NFATC2: variants seen among roughly 807,000 people sequenced by gnomAD.
NFATC2 encodes the protein nuclear factor of activated T-cells, cytoplasmic 2.
NFATC2 carries 22 observed loss-of-function variants against 87.3 expected under a neutral mutation model. The observed-to-expected ratio is 0.25, with a 90% CI of 0.18 to 0.36. The LOEUF is 0.36. Among genes scored for constraint, NFATC2 ranks in the 10% least tolerant of loss-of-function variants. NFATC2 has a pLI of 1.00. For synonymous variants in NFATC2, 565 were observed against 542.2 expected (o/e 1.04, Z -0.58); for missense variants, 1,149 against 1,259.1 (o/e 0.91, Z 1.32).
chr20:51,391,366 A>G lies in NFATC2; in HGVS notation c.*130T>C, dbSNP rs1391804715. 1 of 1,607,016 alleles carries G rather than the reference A, an allele frequency of 6.2e-7. No individual in the cohort carries two copies. On this transcript the variant is annotated 3_prime_UTR_variant, in exon 11 of 11. Transcript: ENST00000371564. ...TGTGGAGGGCTCCGAGGGGTCAGAT[A>G]CAGAAGGTGTCTTGCTATAATGGCT...
chr20:51,465,430 C>A (rs1451657660), intron 5 of NFATC2, among the ~76,000 whole-genome samples: 1 of 152,114 alleles, frequency 6.6e-6, no homozygotes, highest in Non-Finnish European at 1.5e-5. Context: ...TACTTGGAAC[C>A]CATGGCTTCC....
At position 51,523,229 on chromosome 20, in the gene NFATC2, T is replaced by G. The variant is rs1600942731; in HGVS notation, c.1012A>C (p.Lys338Gln). 1 of 1,613,644 alleles carries G rather than the reference T, an allele frequency of 6.2e-7. No individual in the cohort carries two copies. Among genetic ancestry groups the G allele is most frequent in the Non-Finnish European group, 8.5e-7 (1 of 1,179,750 alleles). ...DPSPVSAAPSKAGLPRHIYPA... is the reference protein window; with the variant it reads ...DPSPVSAAPSQAGLPRHIYPA... ...TAGATGTGGCGAGGCAGGCCGGCCTTGGATGGGGCGGCAGACACCGGCGAG... is the reference window on the plus strand; with the variant it reads ...TAGATGTGGCGAGGCAGGCCGGCCTGGGATGGGGCGGCAGACACCGGCGAG... The change falls in exon 2 of 11, where the codon AAG becomes CAG. Residue 338 changes from lysine to glutamine, a missense_variant. Transcript: ENST00000371564. The surrounding 1 kb of genome is among the most constrained non-coding windows in gnomAD (Gnocchi z 6.9).
Position 51,405,431 on chromosome 20 carries a change from C to T in NFATC2, c.2723-6701G>A, listed in dbSNP as rs1474769833. ...GGTGTGCAGGCGCCATGACCTCACA[C>T]GTGTCATCTCACCGTGCCTCACCAG... On this transcript the variant is annotated intron_variant, in intron 9 of 10. Coordinates refer to ENST00000371564, the MANE Select transcript of NFATC2 (RefSeq NM_012340.5). Among the ~76,000 whole-genome samples the T allele has an allele frequency of 3.0e-4, 13 of 43,808 alleles. 1 individual carries two copies. The highest frequency in any genetic ancestry group is 9.8e-4 in the East Asian group (1 of 1,016). 28.7% of individuals were successfully genotyped at this position (43,808 alleles called of 152,430 possible). A position where few individuals can be genotyped will look rare whatever the true frequency, so the allele number is the denominator to read the frequency against.
chr20:51,521,598 G>A (rs1052976462), intron 2 of NFATC2, among the ~76,000 whole-genome samples: 3 of 152,248 alleles, frequency 2.0e-5, no homozygotes, highest in African/African-American at 7.2e-5. Flanking sequence ...TGGGATTACA[G>A]GCGTGAGCCA....
chr20:51,492,685 C>T (rs1264847654), intron 3 of NFATC2, among the ~76,000 whole-genome samples: 5 of 152,230 alleles, frequency 3.3e-5, no homozygotes, highest in Admixed American at 6.5e-5. Flanking sequence ...CCGCTCCAGC[C>T]CTTGGGGAGC....
chr20:51,404,846 G>T (rs951154301), intron 9 of NFATC2, among the ~76,000 whole-genome samples: 1 of 152,172 alleles, frequency 6.6e-6, no homozygotes, highest in East Asian at 1.9e-4. Flanking sequence ...AGTCACTGAC[G>T]CTCTCTGCAA....
intron 3 of NFATC2, among the ~76,000 whole-genome samples, chr20:51,477,533 G>GTGTA (rs1203933981): frequency 1.5e-5 from 1 of 68,546 alleles, no homozygotes; most frequent in African/African-American, 6.0e-5. Context: ...GTGTGTGTGT[G>GTGTA]TCTATATATA....
Position 51,454,622 on chromosome 20 carries a change from C to G in NFATC2, c.1775G>C (p.Gly592Ala). The G allele has an allele frequency of 6.2e-7, 1 of 1,614,108 alleles. No individual in the cohort carries two copies. Among genetic ancestry groups the G allele is most frequent in the Non-Finnish European group, 8.5e-7 (1 of 1,180,036 alleles). ...CCCCGTGAGGATCATTTGCTGGCCG[C>G]CATAGACCAGGCAGCTGTCTGTGTC... The part of the protein sequence containing the change: ...RQDTDSCLVY[G>A]GQQMILTGQN... The change falls in exon 6 of 11, where the codon GGC (glycine) becomes GCC (alanine). Residue 592 changes from glycine (G) to alanine (A), a missense_variant. Physicochemically the swap from Gly to Ala is moderately conservative, Grantham distance 60. Coordinates refer to ENST00000371564, the MANE Select transcript of NFATC2 (RefSeq NM_012340.5).
At chr20:51,492,022 C>T (rs2075899468) in intron 3 of NFATC2, among the ~76,000 whole-genome samples, 1 of 152,088 alleles carries the variant, frequency 6.6e-6, no homozygotes, top group South Asian at 2.1e-4. Context: ...GTGCCATGAA[C>T]ACCCCTTGTT....
At chr20:51,458,200 T>C (rs911092507) in intron 5 of NFATC2, among the ~76,000 whole-genome samples, 3 of 152,120 alleles carry the variant, frequency 2.0e-5, no homozygotes, top group African/African-American at 7.2e-5. Context: ...TAAAGCAAGG[T>C]TTCTCAACCT....
intron 2 of NFATC2, 109 bp from the exon 3 acceptor site, chr20:51,517,064 G>A: frequency 9.1e-7 from 1 of 1,102,494 alleles, no homozygotes; most frequent in Non-Finnish European, 1.3e-6. Context: ...GTCATGTATT[G>A]CTCAACAATG....
intron 5 of NFATC2, among the ~76,000 whole-genome samples, chr20:51,471,390 G>A (rs1452800634): frequency 6.6e-6 from 1 of 152,192 alleles, no homozygotes; most frequent in African/African-American, 2.4e-5. Flanking sequence ...TGGTGGGGCA[G>A]CCACCATGAC....
chr20:51,488,131 G>A (rs755415828), intron 3 of NFATC2, among the ~76,000 whole-genome samples: 45 of 152,136 alleles, frequency 3.0e-4, no homozygotes, highest in Non-Finnish European at 5.7e-4. Flanking sequence ...CATCGGGGCC[G>A]TTCCCAAGTT....
intron 3 of NFATC2, among the ~76,000 whole-genome samples, chr20:51,499,062 C>T (rs1257154942): frequency 2.0e-5 from 3 of 152,058 alleles, no homozygotes; most frequent in Non-Finnish European, 1.5e-5. Context: ...GAGAGGCAGG[C>T]AGGGACCGGG....
At chr20:51,412,788 C>A (rs994736940) in intron 9 of NFATC2, among the ~76,000 whole-genome samples, 1 of 152,116 alleles carries the variant, frequency 6.6e-6, no homozygotes, top group Non-Finnish European at 1.5e-5. Context: ...GGGGTGCATG[C>A]CAGCTGGGCT....
chr20:51,455,944 A>ATGGG (rs1569001460), intron 5 of NFATC2, among the ~76,000 whole-genome samples: 3 of 28,436 alleles, frequency 1.1e-4, no homozygotes, highest in Admixed American at 4.5e-4. Flanking sequence ...GGGTAGATGG[A>ATGGG]TGGATGAGTG....
In NFATC2 at chr20:51,390,464, C is replaced by A. The variant is rs1986196361; in HGVS notation, c.*1032G>T. 1 of 152,230 alleles carries A rather than the reference C, an allele frequency of 6.6e-6. No homozygotes were observed. Among genetic ancestry groups the A allele is most frequent in the Non-Finnish European group, 1.5e-5 (1 of 68,052 alleles). The allele number at this position is 152,230 out of a possible 1,614,324, so 9.4% of individuals were successfully genotyped here. ...CAATTAAATGCACATGCTTGAGATT[C>A]TCCACCGCTTTACGGAAAAGCACTC... On this transcript the variant is annotated 3_prime_UTR_variant, in exon 11 of 11. Coordinates refer to ENST00000371564, the MANE Select transcript of NFATC2 (RefSeq NM_012340.5).
rs776199485 is a variant in NFATC2 at position 51,523,047 on chromosome 20, C to T, written c.1160+34G>A. 1.3e-5 allele frequency: 21 copies of T among 1,612,944 alleles called. No homozygotes were observed. The highest frequency in any genetic ancestry group is 1.8e-5 in the Non-Finnish European group (21 of 1,179,882). ...CAGAAAACCATCTCTTAAAACTAAACCACAGAATCAATCATTTTCAAAGCC... is the reference window on the plus strand; with the variant it reads ...CAGAAAACCATCTCTTAAAACTAAATCACAGAATCAATCATTTTCAAAGCC... On this transcript the variant is annotated intron_variant, in intron 2 of 10. Coordinates refer to ENST00000371564, the MANE Select transcript of NFATC2 (RefSeq NM_012340.5). This position sits in a 1 kb window ranked among gnomAD's most constrained non-coding sequence, Gnocchi z 6.9.
At position 51,524,438 on chromosome 20, in the gene NFATC2, A is replaced by G. The variant is rs568597583; in HGVS notation, c.131-328T>C. On this transcript the variant is annotated intron_variant, in intron 1 of 10. Coordinates refer to ENST00000371564, the MANE Select transcript of NFATC2 (RefSeq NM_012340.5). This position sits in a 1 kb window ranked among gnomAD's most constrained non-coding sequence, Gnocchi z 4.0. Reference sequence around the variant, plus strand: ...ACGCCACCATATACACCCACAACTGAAACAAAAGCCTCTCGAGTCAATACT... The same window carrying G: ...ACGCCACCATATACACCCACAACTGGAACAAAAGCCTCTCGAGTCAATACT... Among the ~76,000 whole-genome samples, 18 of 152,154 alleles carry G rather than the reference A, an allele frequency of 1.2e-4. No individual in the cohort carries two copies. Among genetic ancestry groups the G allele is most frequent in the African/African-American group, 4.3e-4 (18 of 41,518 alleles).
Sources: allele counts gnomAD v4.1 joint callset (sites outside exome capture counted in the v4.1 genomes callset), GRCh38; gene constraint gnomAD v4.1.1; non-coding constraint Gnocchi (gnomAD v3.1); transcripts MANE v1.5; gene names NCBI Gene and HGNC (gene_info 2026-07-23, HGNC 2026-07-21).